The following RAD51B variants were observed in gnomAD, a reference collection of about 807,000 sequenced individuals.
RAD51B encodes DNA repair protein RAD51 homolog 2.
A neutral mutation model predicts 42.2 loss-of-function variants in RAD51B; 38 were observed. The observed-to-expected ratio is 0.90, with a 90% CI of 0.70 to 1.18. The LOEUF (loss-of-function observed/expected upper bound fraction) is 1.18. Among genes scored for constraint, RAD51B ranks in the 50% most tolerant of loss-of-function variants. The probability of loss-of-function intolerance (pLI) is 0.00; values close to 1 mark genes in which losing one functional copy is unlikely to be tolerated. For synonymous variants in RAD51B, 154 were observed against 145.2 expected (o/e 1.06, Z -0.43); for missense variants, 373 against 400.7 (o/e 0.93, Z 0.59).
intron 10 of RAD51B, chr14:68,562,130 C>T (rs1400747227): frequency 2.0e-6 from 2 of 985,270 alleles, no homozygotes; most frequent in Non-Finnish European, 2.4e-6. Flanking sequence ...TGAAAGCCCT[C>T]GTCACCCTGG....
intron 2 of RAD51B, among the ~76,000 whole-genome samples, chr14:67,824,807 G>A (rs1187512920): frequency 1.3e-5 from 2 of 151,598 alleles, no homozygotes; most frequent in African/African-American, 4.8e-5. Flanking sequence ...GGCCGGGCAC[G>A]GTGGCTCACA....
intron 8 of RAD51B, among the ~76,000 whole-genome samples, chr14:68,331,102 G>A (rs555783037): frequency 6.6e-6 from 1 of 152,112 alleles, no homozygotes; most frequent in South Asian, 2.1e-4. Context: ...GGTGGCTCAC[G>A]CCTGTAATCC....
At chr14:67,887,783 T>C (rs1595063304) in intron 7 of RAD51B, among the ~76,000 whole-genome samples, 1 of 152,292 alleles carries the variant, frequency 6.6e-6, no homozygotes, top group East Asian at 1.9e-4. Context: ...TGGCATGGCT[T>C]TTTGTAGCGG....
chr14:68,106,552 T>C (rs980929794), intron 7 of RAD51B, among the ~76,000 whole-genome samples: 1 of 151,962 alleles, frequency 6.6e-6, no homozygotes, highest in Non-Finnish European at 1.5e-5. Context: ...TTGTGTCACA[T>C]TGGAGTTGTT....
intron 7 of RAD51B, among the ~76,000 whole-genome samples, chr14:68,144,531 TAGTAGAGCATTGTCTTTTGTTGATG>T (rs1555363409): frequency 6.6e-6 from 1 of 152,246 alleles, no homozygotes; most frequent in Non-Finnish European, 1.5e-5. Flanking sequence ...TTGTCTTTTG[TAGTAGAGCATTGTCTTTTGTTGATG>T]AGTAGAGCTT....
At chr14:68,484,450 C>T (rs558119709) in intron 10 of RAD51B, among the ~76,000 whole-genome samples, 8 of 151,008 alleles carry the variant, frequency 5.3e-5, no homozygotes, top group South Asian at 2.1e-4. Context: ...CTCCGCCTTC[C>T]GGGTTCACGC....
intron 7 of RAD51B, among the ~76,000 whole-genome samples, chr14:68,068,548 T>C (rs556274016): frequency 5.9e-5 from 9 of 152,362 alleles, no homozygotes; most frequent in African/African-American, 1.7e-4. Context: ...TTTCAACTTT[T>C]TGGCTGTTAT....
chr14:67,858,380 C>G (rs2042063162), intron 4 of RAD51B, among the ~76,000 whole-genome samples: 2 of 152,188 alleles, frequency 1.3e-5, no homozygotes, highest in Non-Finnish European at 2.9e-5. Flanking sequence ...GGCAGGTCAT[C>G]TTCCCTAAAG....
At chr14:68,299,676 G>C (rs1485745966) in intron 8 of RAD51B, among the ~76,000 whole-genome samples, 1 of 152,114 alleles carries the variant, frequency 6.6e-6, no homozygotes, top group Non-Finnish European at 1.5e-5. Flanking sequence ...GGCTTAGAAG[G>C]CTACACAATT....
chr14:68,425,936 T>TTTTCTTTCTTTCTTTCTTTCTTTC (rs56847254), intron 9 of RAD51B, among the ~76,000 whole-genome samples: 1,426 of 73,486 alleles, frequency 0.019, 90 homozygotes, highest in South Asian at 0.034. Flanking sequence ...AGGCCATTCT[T>TTTTCTTTCTTTCTTTCTTTCTTTC]TTTCTTTCTT....
chr14:68,468,006 T>G (rs1463911992), intron 9 of RAD51B, among the ~76,000 whole-genome samples, 166 bp from the exon 10 acceptor site: 1 of 152,096 alleles, frequency 6.6e-6, no homozygotes, highest in Non-Finnish European at 1.5e-5. Context: ...TTTGAAAGGA[T>G]AACACTCATT....
At chr14:68,438,882 CT>C (rs1400961853) in intron 9 of RAD51B, among the ~76,000 whole-genome samples, 1 of 152,142 alleles carries the variant, frequency 6.6e-6, no homozygotes, top group African/African-American at 2.4e-5. Flanking sequence ...GCATCAGTAG[CT>C]AATTTGCAGA....
intron 7 of RAD51B, among the ~76,000 whole-genome samples, chr14:68,189,668 T>TATC (rs1314551791): frequency 6.6e-6 from 1 of 152,010 alleles, no homozygotes; most frequent in Admixed American, 6.6e-5. Context: ...TTAAATTTAT[T>TATC]ATTATTATTA....
At chr14:68,208,027 A>C (rs546428560) in intron 7 of RAD51B, among the ~76,000 whole-genome samples, 1 of 152,174 alleles carries the variant, frequency 6.6e-6, no homozygotes, top group Non-Finnish European at 1.5e-5. Context: ...GCCCAAGTCT[A>C]AGAGGCATTG....
intron 10 of RAD51B, among the ~76,000 whole-genome samples, chr14:68,567,134 C>T (rs1383428692): frequency 6.6e-6 from 1 of 151,994 alleles, no homozygotes; most frequent in Admixed American, 6.6e-5. Flanking sequence ...CCTGTCTCTA[C>T]TAAAAATACA....
chr14:68,399,447 T>C (rs1395565854), intron 8 of RAD51B, among the ~76,000 whole-genome samples: 3 of 152,016 alleles, frequency 2.0e-5, no homozygotes, highest in Non-Finnish European at 2.9e-5. Context: ...TTGGTAGAGA[T>C]GGGGTTTCAC....
At chr14:68,044,108 A>G (rs1450535411) in intron 7 of RAD51B, among the ~76,000 whole-genome samples, 1 of 152,232 alleles carries the variant, frequency 6.6e-6, no homozygotes, top group Non-Finnish European at 1.5e-5. Context: ...CTGGCCCAGG[A>G]AAAGCAGTGC....
chr14:68,060,989 G>A (rs930663675), intron 7 of RAD51B, among the ~76,000 whole-genome samples: 3 of 145,226 alleles, frequency 2.1e-5, no homozygotes, highest in Admixed American at 6.8e-5. Flanking sequence ...TATATTTTAA[G>A]TAAGGTAGCA....
chr14:68,447,791 C>T (rs989541047), intron 9 of RAD51B, among the ~76,000 whole-genome samples: 9 of 151,880 alleles, frequency 5.9e-5, no homozygotes, highest in Admixed American at 2.0e-4. Flanking sequence ...ATTGCTTCCA[C>T]GACAAAAATA....
Sources: gnomAD v4.1 joint callset for allele counts (sites outside exome capture counted in the v4.1 genomes callset) on GRCh38, gnomAD v4.1.1 for gene constraint, MANE v1.5 for transcripts, NCBI Gene and HGNC (gene_info 2026-07-23, HGNC 2026-07-21) for gene names.